CLEC4C: variants seen among roughly 807,000 people sequenced by gnomAD.
CLEC4C encodes C-type (calcium dependent, carbohydrate-recognition domain) lectin, superfamily member 11.
In CLEC4C, 17 loss-of-function variants were observed where a neutral mutation model predicts 27.7. That is an observed-to-expected ratio of 0.61 (90% CI 0.42 to 0.92). The LOEUF is 0.92. Ranked by LOEUF, CLEC4C falls within the 40% of genes least tolerant of loss-of-function variation. CLEC4C has a pLI of 0.00. For missense variants in CLEC4C, 244 were observed against 257.3 expected, an observed-to-expected ratio of 0.95 and a Z score of 0.35; for synonymous variants, 80 against 80.8, an observed-to-expected ratio of 0.99 and a Z score of 0.06.
At chr12:7,745,208 G>C (rs1000513576) in intron 2 of CLEC4C, among the ~76,000 whole-genome samples, 1 of 151,836 alleles carries the variant, frequency 6.6e-6, no homozygotes, top group Non-Finnish European at 1.5e-5. Context: ...AGGTTATGAG[G>C]GGGGGCTCTC....
At position 7,734,581 on chromosome 12, in the gene CLEC4C, CT is replaced by C. The variant is rs60198837; in HGVS notation, c.381+2847del. 8.5e-5 allele frequency among the ~76,000 whole-genome samples: 12 copies of C among 141,654 alleles called. No homozygotes were observed. In the South Asian group the frequency reaches 2.6e-3, roughly 31 times the overall value. The allele number at this position is 141,654 out of a possible 152,430, so 92.9% of individuals were successfully genotyped here. A position where few individuals can be genotyped will look rare whatever the true frequency, so the allele number is the denominator to read the frequency against. ...TTTTTTTTTTTTTGAGACAGTTTTG[CT>C]TTTTCACCCAGACTGGAACGAAGTG... On this transcript the variant is annotated intron_variant, in intron 4 of 5. Transcript: ENST00000360345.
chr12:7,730,821 T>C lies in CLEC4C; in HGVS notation c.473A>G (p.Gln158Arg), dbSNP rs1444901989. 33 of 1,600,170 alleles carry C rather than the reference T, an allele frequency of 2.1e-5. No individual in the cohort carries two copies. Among genetic ancestry groups the C allele is most frequent in the Non-Finnish European group, 2.8e-5 (33 of 1,167,526 alleles). Residue 158 changes from glutamine to arginine, a missense_variant, in exon 5 of 6, where the codon CAG becomes CGG. By Grantham distance (43) the Gln-to-Arg change is conservative (BLOSUM62 1). Coordinates refer to ENST00000360345, the MANE Select transcript of CLEC4C (RefSeq NM_001371390.1). ...GGRRHWQWVD[Q>R]TPYNENVTFW... is the part of the protein sequence containing the mutation. ...CGTGACATTTTCATTGTATGGTGTC[T>C]GGTCAACCCATTGCCAATGTCGCCG... is the stretch of plus-strand genomic sequence containing the variant.
intron 4 of CLEC4C, among the ~76,000 whole-genome samples, chr12:7,733,824 C>G (rs994468423): frequency 1.3e-5 from 2 of 151,890 alleles, no homozygotes; most frequent in African/African-American, 2.4e-5. Context: ...ATCTGCCCAC[C>G]TTCGCCTCCC....
rs374133960 is a variant in CLEC4C at position 7,747,357 on chromosome 12, C to G, written c.-9G>C. On this transcript the variant is annotated 5_prime_UTR_variant, in exon 1 of 6. Transcript: ENST00000360345. Reference sequence around the variant, plus strand: ...TCTTCTTCAGGCACCATTGTGTGTGCGCACACCCTTTGGACTTCCTCTATC... The same window carrying G: ...TCTTCTTCAGGCACCATTGTGTGTGGGCACACCCTTTGGACTTCCTCTATC... 7.4e-6 allele frequency: 12 copies of G among 1,613,824 alleles called. No individual in the cohort carries two copies. The highest frequency in any genetic ancestry group is 2.2e-5 in the East Asian group (1 of 44,860).
chr12:7,734,023 T>G (rs1864661712), intron 4 of CLEC4C, among the ~76,000 whole-genome samples: 1 of 152,048 alleles, frequency 6.6e-6, no homozygotes, highest in Non-Finnish European at 1.5e-5. Flanking sequence ...CACCCAAGTA[T>G]CCGGGACTAC....
chr12:7,748,046 C>T (rs749402796), upstream of CLEC4C, among the ~76,000 whole-genome samples: 2 of 151,920 alleles, frequency 1.3e-5, no homozygotes, highest in African/African-American at 4.8e-5. Flanking sequence ...TTGTGAGCCA[C>T]CACGTGCCCG....
intron 3 of CLEC4C, among the ~76,000 whole-genome samples, chr12:7,740,123 C>T (rs771512955): frequency 1.3e-5 from 2 of 151,306 alleles, no homozygotes; most frequent in South Asian, 2.1e-4. Flanking sequence ...CATGAGCCAC[C>T]GTGCTGCGCT....
At chr12:7,743,494 C>T (rs1233650602) in intron 2 of CLEC4C, among the ~76,000 whole-genome samples, 1 of 151,744 alleles carries the variant, frequency 6.6e-6, no homozygotes, top group Non-Finnish European at 1.5e-5. Flanking sequence ...ATGCCATTCT[C>T]CTGCCTCAGC....
chr12:7,737,587 G>A lies in CLEC4C; in HGVS notation c.236-13C>T. ...CAGCAGCTCCAATCTTCCCAAATGA[G>A]TATAGAAGAAGAAAAAATATTAACA... On this transcript the variant is annotated splice_polypyrimidine_tract_variant and intron_variant, in intron 3 of 5. Transcript: ENST00000360345. 4 of 1,603,488 alleles carry A rather than the reference G, an allele frequency of 2.5e-6. No homozygotes were observed. Among genetic ancestry groups the A allele is most frequent in the Non-Finnish European group, 3.4e-6 (4 of 1,175,918 alleles).
At chr12:7,741,085 C>G (rs1009769937) in intron 3 of CLEC4C, among the ~76,000 whole-genome samples, 2 of 152,166 alleles carry the variant, frequency 1.3e-5, no homozygotes, top group Non-Finnish European at 2.9e-5. Context: ...GCCTCGGCCT[C>G]CCAAAGCGCT....
At chr12:7,740,243 A>G (rs1236725357) in intron 3 of CLEC4C, among the ~76,000 whole-genome samples, 1 of 151,976 alleles carries the variant, frequency 6.6e-6, no homozygotes, top group Non-Finnish European at 1.5e-5. Flanking sequence ...CTCCCAAAGC[A>G]CTGGGATTAC....
chr12:7,730,022 GAGGATTCCTTCAGTTT>G (rs1565458370), intron 5 of CLEC4C, among the ~76,000 whole-genome samples: 1 of 152,168 alleles, frequency 6.6e-6, no homozygotes, highest in Non-Finnish European at 1.5e-5. Flanking sequence ...AGATGTCCAA[GAGGATTCCTTCAGTTT>G]AGCCATCCCT....
intron 5 of CLEC4C, among the ~76,000 whole-genome samples, chr12:7,730,062 A>G (rs1864559733): frequency 6.6e-6 from 1 of 152,184 alleles, no homozygotes; most frequent in African/African-American, 2.4e-5. Flanking sequence ...TCCAATTGCC[A>G]TAGAAATTCC....
intron 2 of CLEC4C, among the ~76,000 whole-genome samples, chr12:7,742,012 CTG>C (rs1302448456): frequency 7.1e-6 from 1 of 141,172 alleles, no homozygotes; most frequent in African/African-American, 2.5e-5. Flanking sequence ...CAGAGCAAGA[CTG>C]TGTCTCAAAA....
upstream of CLEC4C, among the ~76,000 whole-genome samples, chr12:7,748,649 A>C (rs1333232318): frequency 6.6e-6 from 1 of 152,010 alleles, no homozygotes; most frequent in Non-Finnish European, 1.5e-5. Context: ...TCTCTTGTCT[A>C]CCTCCCATTT....
In CLEC4C at chr12:7,735,373, G is replaced by A. The variant is rs751564714; in HGVS notation, c.381+2056C>T. Among the ~76,000 whole-genome samples the A allele has an allele frequency of 4.6e-3, 699 of 150,498 alleles. 4 individuals carry two copies. Among genetic ancestry groups the A allele is most frequent in the African/African-American group, 0.016 (662 of 40,946 alleles). Reference sequence around the variant, plus strand: ...CAAAAATTAGCTGGGCGTGGTTGCAGGCGCCTGTAATCCCAGCTATTCAGG... The same window carrying A: ...CAAAAATTAGCTGGGCGTGGTTGCAAGCGCCTGTAATCCCAGCTATTCAGG... On this transcript the variant is annotated intron_variant, in intron 4 of 5. Coordinates refer to ENST00000360345, the MANE Select transcript of CLEC4C (RefSeq NM_001371390.1).
Position 7,735,810 on chromosome 12 carries a change from G to GA in CLEC4C, c.381+1618dup, listed in dbSNP as rs1022783635. ...GAGCAAGACTCCATCTCAAAAAAAA[G>GA]AAAAAAAAAGCAAAAACCAGTAACA... On this transcript the variant is annotated intron_variant, in intron 4 of 5. Transcript: ENST00000360345. 6.0e-4 allele frequency among the ~76,000 whole-genome samples: 88 copies of GA among 146,634 alleles called. 1 individual carries two copies. The Middle Eastern group carries it at 0.028, about 46-fold the overall frequency.
At chr12:7,741,175 G>C (rs982689486) in intron 3 of CLEC4C, among the ~76,000 whole-genome samples, 14 of 152,096 alleles carry the variant, frequency 9.2e-5, no homozygotes, top group African/African-American at 3.4e-4. Context: ...ATGTTGGTCA[G>C]GCTGGTCTCA....
At chr12:7,731,235 C>T (rs939255745) in intron 4 of CLEC4C, among the ~76,000 whole-genome samples, 2 of 152,020 alleles carry the variant, frequency 1.3e-5, no homozygotes, top group African/African-American at 2.4e-5. Context: ...TAAAGGCAGA[C>T]TGGGGGGATA....
Sources: allele counts gnomAD v4.1 joint callset (sites outside exome capture counted in the v4.1 genomes callset), GRCh38; gene constraint gnomAD v4.1.1; transcripts MANE v1.5; gene names NCBI Gene and HGNC (gene_info 2026-07-23, HGNC 2026-07-21).